UNC13C: variants seen among roughly 807,000 people sequenced by gnomAD.
The protein encoded by UNC13C is protein unc-13 homolog C.
Under a neutral mutation model 245.4 loss-of-function variants are expected in UNC13C, and 174 were observed. The observed-to-expected ratio is 0.71, with a 90% CI of 0.63 to 0.80. UNC13C has a LOEUF of 0.80. Among genes scored for constraint, UNC13C ranks in the 30% least tolerant of loss-of-function variants. UNC13C has a pLI of 0.00. For synonymous variants in UNC13C, 992 were observed against 895.1 expected, an observed-to-expected ratio of 1.11 and a Z score of -1.93; for missense variants, 2,829 against 2,602.9, an observed-to-expected ratio of 1.09 and a Z score of -1.89.
intron 25 of UNC13C, among the ~76,000 whole-genome samples, chr15:54,531,268 G>C (rs1177383182): frequency 6.6e-6 from 1 of 152,168 alleles, no homozygotes; most frequent in African/African-American, 2.4e-5. Flanking sequence ...AGATGTGATT[G>C]CCAAGAAAGT....
At chr15:54,600,338 T>C (rs1899343423) in intron 30 of UNC13C, among the ~76,000 whole-genome samples, 1 of 152,096 alleles carries the variant, frequency 6.6e-6, no homozygotes, top group South Asian at 2.1e-4. Context: ...AATGGAGGCA[T>C]ATGATTTCGG....
Position 54,336,869 on chromosome 15 carries a change from C to G in UNC13C, c.4585-1492C>G, listed in dbSNP as rs577538709. 3.3e-5 allele frequency among the ~76,000 whole-genome samples: 5 copies of G among 152,160 alleles called. No individual in the cohort carries two copies. In the East Asian group the frequency reaches 5.8e-4, roughly 18 times the overall value. On this transcript the variant is annotated intron_variant, in intron 16 of 32. Transcript: ENST00000260323. ...TACCATCCTGTCTTGATTACTGTGA[C>G]CTTATAGCAAATCATTAAAAAAGAT... is the stretch of plus-strand genomic sequence containing the variant.
intron 26 of UNC13C, among the ~76,000 whole-genome samples, chr15:54,543,026 T>TATATATATA (rs1444695515): frequency 4.6e-5 from 7 of 152,134 alleles, no homozygotes; most frequent in Non-Finnish European, 1.0e-4. Context: ...TATGTGTGAA[T>TATATATATA]TTGGTCCTGT....
chr15:53,942,922 C>G, the UNC13C span, among the ~76,000 whole-genome samples: 2 of 152,240 alleles, frequency 1.3e-5, no homozygotes, highest in Non-Finnish European at 2.9e-5. Context: ...CTTGGTCTCC[C>G]AAAGTGCTGG....
the UNC13C span, among the ~76,000 whole-genome samples, chr15:53,950,570 T>G: frequency 6.6e-6 from 1 of 152,228 alleles, no homozygotes; most frequent in Admixed American, 6.5e-5. Flanking sequence ...AAATCAAAGG[T>G]GTCAACTGAT....
chr15:53,973,204 A>G (rs1175212063), upstream of UNC13C, among the ~76,000 whole-genome samples: 2 of 152,154 alleles, frequency 1.3e-5, no homozygotes, highest in Admixed American at 1.3e-4. Flanking sequence ...AAGAATTTTA[A>G]AACATTTACT....
At chr15:54,467,726 A>G (rs1892256231) in intron 19 of UNC13C, among the ~76,000 whole-genome samples, 1 of 151,660 alleles carries the variant, frequency 6.6e-6, no homozygotes, top group Non-Finnish European at 1.5e-5. Flanking sequence ...GTGAGATCAT[A>G]TGGCATTTGT....
intron 12 of UNC13C, 78 bp downstream of exon 12, chr15:54,298,004 T>C: frequency 9.6e-7 from 1 of 1,039,384 alleles, no homozygotes; most frequent in Non-Finnish European, 1.4e-6. Context: ...ATATTTGGTT[T>C]AAAAATCATT....
chr15:53,901,595 G>A, the UNC13C span, among the ~76,000 whole-genome samples: 2 of 152,048 alleles, frequency 1.3e-5, no homozygotes, highest in Admixed American at 6.6e-5. Context: ...CAATTAGGTT[G>A]CTTCCAGGAT....
At chr15:54,369,200 CAA>C (rs71436277) in intron 17 of UNC13C, among the ~76,000 whole-genome samples, 1,731 of 149,300 alleles carry the variant, frequency 0.012, 38 homozygotes, top group African/African-American at 0.039. Flanking sequence ...CTCCCCCCCC[CAA>C]AAAAAAAAGT....
At chr15:54,038,122 A>ATTTTTTTTTTT (rs1355738786) in intron 2 of UNC13C, among the ~76,000 whole-genome samples, 72 of 50,234 alleles carry the variant, frequency 1.4e-3, no homozygotes, top group East Asian at 3.1e-3. Flanking sequence ...ATATATATAT[A>ATTTTTTTTTTT]TATTTTTTTT....
chr15:54,299,782 A>G (rs77555554), intron 12 of UNC13C, among the ~76,000 whole-genome samples: 1,820 of 152,232 alleles, frequency 0.012, 32 homozygotes, highest in African/African-American at 0.042. Context: ...ATAGAATCTA[A>G]TTCTGAGAAT....
At chr15:54,274,013 C>G (rs2036763136) in intron 10 of UNC13C, among the ~76,000 whole-genome samples, 1 of 152,138 alleles carries the variant, frequency 6.6e-6, no homozygotes, top group Non-Finnish European at 1.5e-5. Context: ...GTGTGAGGTA[C>G]TCTCCACAGT....
At chr15:54,084,220 T>C (rs145717688) in intron 2 of UNC13C, among the ~76,000 whole-genome samples, 1 of 152,356 alleles carries the variant, frequency 6.6e-6, no homozygotes, top group East Asian at 1.9e-4. Flanking sequence ...TCACAGTAAC[T>C]GTGATCCACG....
At chr15:54,339,749 C>G (rs2038683883) in intron 17 of UNC13C, among the ~76,000 whole-genome samples, 1 of 152,060 alleles carries the variant, frequency 6.6e-6, no homozygotes, top group Admixed American at 6.5e-5. Context: ...TGCTATAAAC[C>G]TGCATGTGCA....
chr15:53,911,327 CG>C, the UNC13C span: 1 of 152,152 alleles, frequency 6.6e-6, no homozygotes, highest in Non-Finnish European at 1.5e-5. Flanking sequence ...ATCCTCCTGG[CG>C]GGACACTCCG....
intron 1 of UNC13C, among the ~76,000 whole-genome samples, chr15:54,010,256 A>T (rs1213525365): frequency 6.6e-6 from 1 of 152,242 alleles, no homozygotes; most frequent in African/African-American, 2.4e-5. Flanking sequence ...AAAGTTAAAT[A>T]GAATATGGCT....
At chr15:54,472,682 T>C (rs1892525726) in intron 19 of UNC13C, among the ~76,000 whole-genome samples, 1 of 151,920 alleles carries the variant, frequency 6.6e-6, no homozygotes, top group Admixed American at 6.6e-5. Context: ...GGTTGACAGT[T>C]TTTTTCTCTT....
At position 54,396,023 on chromosome 15, in the gene UNC13C, T is replaced by C. The variant is rs963381665; in HGVS notation, c.4847+2842T>C. Among the ~76,000 whole-genome samples the C allele has an allele frequency of 4.0e-5, 6 of 151,856 alleles. No individual in the cohort carries two copies. In the East Asian group the frequency reaches 1.2e-3, roughly 29 times the overall value. On this transcript the variant is annotated intron_variant, in intron 18 of 32. Coordinates refer to ENST00000260323, the MANE Select transcript of UNC13C (RefSeq NM_001080534.3). ...ATTTCAATATTTCATTAAAACTAAA[T>C]AGTATTAAGCAGAGTACTTTCAGAT... is the stretch of plus-strand genomic sequence containing the variant.
Sources: allele counts gnomAD v4.1 joint callset (sites outside exome capture counted in the v4.1 genomes callset), GRCh38; gene constraint gnomAD v4.1.1; transcripts MANE v1.5; gene names NCBI Gene and HGNC (gene_info 2026-07-23, HGNC 2026-07-21).